TMEM63A: variants seen among roughly 807,000 people sequenced by gnomAD.
TMEM63A encodes mechanosensitive cation channel TMEM63A.
In TMEM63A, 76 loss-of-function variants were observed where a neutral mutation model predicts 100.6. The observed-to-expected ratio is 0.76, with a 90% CI of 0.63 to 0.91. The LOEUF (loss-of-function observed/expected upper bound fraction) is 0.91. Ranked by LOEUF, TMEM63A falls within the 40% of genes least tolerant of loss-of-function variation. The pLI is 0.00. For missense variants in TMEM63A, 876 were observed against 1,008.8 expected (o/e 0.87, Z 1.78); for synonymous variants, 401 against 401.1 (o/e 1.00, Z 0.00).
At chr1:225,856,490 A>C (rs545927426) in intron 17 of TMEM63A, among the ~76,000 whole-genome samples, 162 bp downstream of exon 17, 1 of 152,168 alleles carries the variant, frequency 6.6e-6, no homozygotes, top group Non-Finnish European at 1.5e-5. Flanking sequence ...TATTGCCAGA[A>C]GAATCAATGA....
chr1:225,845,709 C>T lies in TMEM63A; in HGVS notation c.*1230G>A, dbSNP rs1668924653. ...CTGGCCAGGGCTATGCTGCACCAGA[C>T]CAATGGCACCGCCCCCACCCCTCCC... On this transcript the variant is annotated 3_prime_UTR_variant, in exon 25 of 25. Coordinates refer to ENST00000366835, the MANE Select transcript of TMEM63A (RefSeq NM_014698.3). 1 of 380,932 alleles carries T rather than the reference C, an allele frequency of 2.6e-6. No homozygotes were observed. The highest frequency in any genetic ancestry group is 2.1e-5 in the African/African-American group (1 of 48,554). The allele number at this position is 380,932 out of a possible 1,614,324, so 23.6% of individuals were successfully genotyped here.
At chr1:225,866,250 G>A in intron 9 of TMEM63A, 1 of 526,702 alleles carries the variant, frequency 1.9e-6, no homozygotes, top group Non-Finnish European at 3.4e-6. Context: ...TCACACAGCA[G>A]ATCAGAGGAG....
chr1:225,867,192 A>G lies in TMEM63A; in HGVS notation c.515-29T>C, dbSNP rs754003361. ...CAGAGAAGCACAGATACTTAGTTCC[A>G]GGGTCATGTGGGGAAGCAGGAGGGG... On this transcript the variant is annotated intron_variant, in intron 7 of 24. Coordinates refer to ENST00000366835, the MANE Select transcript of TMEM63A (RefSeq NM_014698.3). The surrounding 1 kb of genome is among the most constrained non-coding windows in gnomAD (Gnocchi z 4.6). 6.2e-7 allele frequency: 1 copy of G among 1,613,492 alleles called. No individual in the cohort carries two copies. Among genetic ancestry groups the G allele is most frequent in the Non-Finnish European group, 8.5e-7 (1 of 1,179,430 alleles).
At chr1:225,878,404 G>A (rs545157938) in intron 2 of TMEM63A, among the ~76,000 whole-genome samples, 13 of 152,260 alleles carry the variant, frequency 8.5e-5, no homozygotes, top group South Asian at 2.1e-4. Context: ...CTAGCTCTGC[G>A]CTTTCACACA....
At chr1:225,857,976 C>T (rs1424129532) in intron 15 of TMEM63A, among the ~76,000 whole-genome samples, 3 of 152,158 alleles carry the variant, frequency 2.0e-5, no homozygotes, top group Admixed American at 1.3e-4. Flanking sequence ...CACACATCAG[C>T]TCATTGATTA....
chr1:225,859,649 G>GCTT (rs746371875), intron 14 of TMEM63A: 28 of 268,808 alleles, frequency 1.0e-4, no homozygotes, highest in African/African-American at 4.8e-4. Flanking sequence ...TTCTTTTTCT[G>GCTT]TTTTTTTTTT....
At chr1:225,868,066 G>T (rs202029489) in intron 6 of TMEM63A, 36 bp from the exon 7 acceptor site, 4 of 1,611,766 alleles carry the variant, frequency 2.5e-6, no homozygotes, top group Non-Finnish European at 3.4e-6. Flanking sequence ...ATGAGCAGTG[G>T]AACAGGCCTC....
At chr1:225,875,131 G>A (rs1340514913) in intron 3 of TMEM63A, among the ~76,000 whole-genome samples, 2 of 152,214 alleles carry the variant, frequency 1.3e-5, no homozygotes, top group Non-Finnish European at 2.9e-5. Flanking sequence ...TTCCCCTGAA[G>A]GCAGGCCCCG....
At position 225,853,730 on chromosome 1, in the gene TMEM63A, T is replaced by C. The variant is rs755723413; in HGVS notation, c.1696A>G (p.Ile566Val). The change falls in exon 19 of 25, where the codon ATC becomes GTC. Residue 566 changes from isoleucine to valine, a missense_variant. Transcript: ENST00000366835. The surrounding 1 kb of genome is among the most constrained non-coding windows in gnomAD (Gnocchi z 4.0). ...CGCAGCAGCTCCATGCCATTGCCGA[T>C]GAAGGCCGAGGCGATGACATAGTTC... ...FVNYVIASAF[I>V]GNGMELLRLP... 14 of 1,604,418 alleles carry C rather than the reference T, an allele frequency of 8.7e-6. No homozygotes were observed. The highest frequency in any genetic ancestry group is 1.1e-5 in the South Asian group (1 of 89,218).
chr1:225,849,870 T>C, intron 21 of TMEM63A, 42 bp downstream of exon 21: 2 of 1,603,168 alleles, frequency 1.2e-6, no homozygotes, highest in Non-Finnish European at 1.7e-6. Context: ...GATGCAGGGC[T>C]GGGAGGCCAA....
chr1:225,842,416 A>T, downstream of TMEM63A: 1 of 1,614,012 alleles, frequency 6.2e-7, no homozygotes, highest in Non-Finnish European at 8.5e-7. Flanking sequence ...TATTCTAGAG[A>T]AGTTTTCCAC....
intron 6 of TMEM63A, among the ~76,000 whole-genome samples, chr1:225,868,415 C>T (rs1031158062): frequency 2.6e-5 from 4 of 152,048 alleles, no homozygotes; most frequent in Non-Finnish European, 5.9e-5. Context: ...GTGGCTCACA[C>T]CTGTAATCCC....
intron 6 of TMEM63A, among the ~76,000 whole-genome samples, chr1:225,869,725 T>C (rs2102635121): frequency 7.0e-6 from 1 of 143,208 alleles, no homozygotes; most frequent in Admixed American, 7.7e-5. Flanking sequence ...TGCAGTGGGG[T>C]GATCTTGGCT....
At chr1:225,845,108 C>T (rs542476719), downstream of TMEM63A, 2 of 1,607,920 alleles carry the variant, frequency 1.2e-6, no homozygotes, top group Admixed American at 3.3e-5. Flanking sequence ...GGGCGCAGGG[C>T]CACAGCCTCA....
intron 6 of TMEM63A, among the ~76,000 whole-genome samples, chr1:225,870,455 C>A (rs2102636944): frequency 6.7e-6 from 1 of 149,376 alleles, no homozygotes; most frequent in African/African-American, 2.5e-5. Context: ...CCCCCCCCCG[C>A]CTCCTGGCTC....
downstream of TMEM63A, chr1:225,842,246 C>T (rs566154688): frequency 2.4e-5 from 19 of 778,778 alleles, no homozygotes; most frequent in East Asian, 2.2e-4. Context: ...GGCCTGTGCT[C>T]GAACGTGGCT....
Position 225,856,653 on chromosome 1 carries a change from T to TG in TMEM63A, c.1569dup (p.Ser524GlnfsTer11), listed in dbSNP as rs747681350. ...AGAGCAGAAGGTGGTGGCATATACC[T>TG]GGTGAGACCCAGGGAGGGCAGGATC... On this transcript the variant is annotated frameshift_variant and splice_region_variant, in exon 17 of 25. Coordinates refer to ENST00000366835, the MANE Select transcript of TMEM63A (RefSeq NM_014698.3). LOFTEE classifies it high-confidence loss of function. 5.6e-5 allele frequency: 90 copies of TG among 1,613,656 alleles called. No homozygotes were observed. The South Asian group carries it at 6.6e-4, about 12-fold the overall frequency.
At chr1:225,842,155 G>T (rs1668480387), downstream of TMEM63A, among the ~76,000 whole-genome samples, 1 of 152,236 alleles carries the variant, frequency 6.6e-6, no homozygotes, top group East Asian at 1.9e-4. Flanking sequence ...ACAGTGGGAA[G>T]GTATCGTCCC....
intron 20 of TMEM63A, 61 bp downstream of exon 20, chr1:225,852,603 T>G (rs1318324190): frequency 4.6e-6 from 7 of 1,531,562 alleles, no homozygotes; most frequent in Non-Finnish European, 5.4e-6. Flanking sequence ...CCCCGAGAGG[T>G]TTGGTGCAAT....
Sources: allele counts gnomAD v4.1 joint callset (sites outside exome capture counted in the v4.1 genomes callset), GRCh38; gene constraint gnomAD v4.1.1; non-coding constraint Gnocchi (gnomAD v3.1); transcripts MANE v1.5; gene names NCBI Gene and HGNC (gene_info 2026-07-23, HGNC 2026-07-21).